The following LRP1B variants were observed in gnomAD, a reference collection of about 807,000 sequenced individuals.
The protein encoded by LRP1B is LDL receptor related protein 1B, also known as low-density lipoprotein receptor-related protein 1B.
A neutral mutation model predicts 556.6 loss-of-function variants in LRP1B; 217 were observed. The ratio of observed to expected loss-of-function variants is 0.39; its 90% CI spans 0.35 to 0.44. The LOEUF is 0.44. Ranked by LOEUF, LRP1B falls within the 20% of genes least tolerant of loss-of-function variation. The pLI, the probability that LRP1B is intolerant of heterozygous loss-of-function variation, is 1.00. For synonymous variants in LRP1B, 2,047 were observed against 1,865.8 expected (o/e 1.10, Z -2.50); for missense variants, 5,053 against 5,620.8 (o/e 0.90, Z 3.23).
intron 20 of LRP1B, among the ~76,000 whole-genome samples, chr2:140,924,718 T>G (rs1694838179): frequency 6.6e-6 from 1 of 152,134 alleles, no homozygotes; most frequent in Non-Finnish European, 1.5e-5. Context: ...ATCAAAAACT[T>G]TATTTTTCTA....
intron 2 of LRP1B, among the ~76,000 whole-genome samples, chr2:141,554,220 G>C (rs1685874734): frequency 6.9e-6 from 1 of 144,830 alleles, no homozygotes; most frequent in South Asian, 2.2e-4. Flanking sequence ...AATAGACCTA[G>C]ATATAGATTA....
At chr2:141,020,899 C>T (rs1361128935) in intron 11 of LRP1B, among the ~76,000 whole-genome samples, 1 of 151,882 alleles carries the variant, frequency 6.6e-6, no homozygotes, top group East Asian at 1.9e-4. Context: ...ATATCCAAGC[C>T]TTATGACCCA....
At chr2:141,591,326 G>C (rs1687325104) in intron 2 of LRP1B, among the ~76,000 whole-genome samples, 1 of 146,954 alleles carries the variant, frequency 6.8e-6, no homozygotes, top group South Asian at 2.2e-4. Flanking sequence ...GCAAAGACTT[G>C]GTTTTAGTAC....
At chr2:141,853,842 A>AT (rs1222736502) in intron 1 of LRP1B, among the ~76,000 whole-genome samples, 7 of 152,032 alleles carry the variant, frequency 4.6e-5, no homozygotes, top group African/African-American at 1.7e-4. Flanking sequence ...ATACATATAC[A>AT]TTTGAGTATT....
At chr2:140,882,493 G>A (rs1430357466) in intron 25 of LRP1B, among the ~76,000 whole-genome samples, 1 of 152,060 alleles carries the variant, frequency 6.6e-6, no homozygotes, top group Admixed American at 6.6e-5. Context: ...TACAAAAGAA[G>A]GCAGAAATCC....
At chr2:140,733,586 T>G (rs572874176) in intron 35 of LRP1B, among the ~76,000 whole-genome samples, 1 of 152,282 alleles carries the variant, frequency 6.6e-6, no homozygotes, top group African/African-American at 2.4e-5. Flanking sequence ...AAAAATATTA[T>G]GTGACGTGAA....
chr2:142,117,861 A>C (rs915194985), intron 1 of LRP1B, among the ~76,000 whole-genome samples: 2 of 152,082 alleles, frequency 1.3e-5, no homozygotes, highest in Non-Finnish European at 2.9e-5. Flanking sequence ...TCATCTTCTG[A>C]CCAGCCTGGC....
chr2:141,983,031 A>G (rs188593965), intron 1 of LRP1B, among the ~76,000 whole-genome samples: 1 of 152,308 alleles, frequency 6.6e-6, no homozygotes, highest in Non-Finnish European at 1.5e-5. Context: ...AACACTAAAT[A>G]GTGTTCTAGA....
chr2:140,769,461 T>C, intron 34 of LRP1B, 117 bp from the exon 35 acceptor site: 1 of 1,081,444 alleles, frequency 9.2e-7, no homozygotes, highest in Non-Finnish European at 1.3e-6. Flanking sequence ...CAAATGTATT[T>C]CCTGGCCTTT....
At chr2:141,097,770 G>C (rs1700357925) in intron 7 of LRP1B, among the ~76,000 whole-genome samples, 1 of 151,940 alleles carries the variant, frequency 6.6e-6, no homozygotes. Context: ...AAATAGATTG[G>C]CTTATATCAT....
intron 2 of LRP1B, among the ~76,000 whole-genome samples, chr2:141,766,819 C>T (rs562982377): frequency 6.6e-6 from 1 of 152,198 alleles, no homozygotes; most frequent in Non-Finnish European, 1.5e-5. Context: ...TTCTTTTAAC[C>T]ATATAGCAAC....
At chr2:140,732,500 T>A (rs1031582876) in intron 35 of LRP1B, among the ~76,000 whole-genome samples, 1 of 152,090 alleles carries the variant, frequency 6.6e-6, no homozygotes, top group South Asian at 2.1e-4. Context: ...AAAAAAGTAT[T>A]CACATGAGCT....
At position 141,355,913 on chromosome 2, in the gene LRP1B, T is replaced by G. The variant is rs192700811; in HGVS notation, c.344-101272A>C. On this transcript the variant is annotated intron_variant, in intron 3 of 90. Transcript: ENST00000389484. ...CTATAGTACATATTTGTCATGCTTTTTGACTGTTCATATTTTGAACACTTT... is the reference window on the plus strand; with the variant it reads ...CTATAGTACATATTTGTCATGCTTTGTGACTGTTCATATTTTGAACACTTT... Among the ~76,000 whole-genome samples the G allele has an allele frequency of 8.5e-5, 13 of 152,308 alleles. No individual in the cohort carries two copies. The East Asian group carries it at 2.5e-3, about 29-fold the overall frequency.
chr2:141,614,261 A>G (rs754771348), intron 2 of LRP1B, among the ~76,000 whole-genome samples: 6 of 152,084 alleles, frequency 3.9e-5, no homozygotes, highest in African/African-American at 1.2e-4. Context: ...TGCACAGAAC[A>G]CACTTTGAAA....
chr2:141,474,969 T>C (rs1024723709), intron 3 of LRP1B, among the ~76,000 whole-genome samples: 6 of 152,224 alleles, frequency 3.9e-5, no homozygotes, highest in African/African-American at 1.4e-4. Context: ...GCTAGTGATA[T>C]AAAAGGTAGA....
chr2:141,024,482 G>A (rs1322253589), intron 11 of LRP1B, among the ~76,000 whole-genome samples: 1 of 152,090 alleles, frequency 6.6e-6, no homozygotes, highest in East Asian at 1.9e-4. Context: ...CTCTCAATGG[G>A]TCAGGGGATA....
intron 1 of LRP1B, among the ~76,000 whole-genome samples, chr2:141,886,793 C>T (rs1485557978): frequency 1.3e-5 from 2 of 152,082 alleles, no homozygotes; most frequent in African/African-American, 4.8e-5. Context: ...TCCTTCTATA[C>T]ATTCTGCCTT....
At chr2:142,109,912 T>C (rs917805199) in intron 1 of LRP1B, among the ~76,000 whole-genome samples, 4 of 152,002 alleles carry the variant, frequency 2.6e-5, no homozygotes, top group Non-Finnish European at 5.9e-5. Flanking sequence ...GAAGAGAAAA[T>C]AATAGCATCA....
At chr2:140,444,825 T>G in intron 63 of LRP1B, 146 bp from the exon 64 acceptor site, 1 of 603,374 alleles carries the variant, frequency 1.7e-6, no homozygotes, top group African/African-American at 1.9e-5. Flanking sequence ...AGCTATTAGA[T>G]TCAAATGTTT....
Sources: gnomAD v4.1 joint callset for allele counts (sites outside exome capture counted in the v4.1 genomes callset) on GRCh38, gnomAD v4.1.1 for gene constraint, MANE v1.5 for transcripts, NCBI Gene and HGNC (gene_info 2026-07-23, HGNC 2026-07-21) for gene names.